The following TMEM176B variants were observed in gnomAD, a reference collection of about 807,000 sequenced individuals.
TMEM176B encodes LR8-like protein.
TMEM176B carries 28 observed loss-of-function variants against 30.3 expected under a neutral mutation model. The observed-to-expected ratio is 0.92, with a 90% confidence interval of 0.68 to 1.27. The LOEUF (loss-of-function observed/expected upper bound fraction) is 1.27. Ranked by LOEUF, TMEM176B falls within the 50% of genes most tolerant of loss-of-function variation. TMEM176B has a pLI of 0.00. For synonymous variants in TMEM176B, 123 were observed against 130.3 expected (o/e 0.94, Z 0.38); for missense variants, 349 against 327.4 (o/e 1.07, Z -0.51).
At position 150,791,553 on chromosome 7, in the gene TMEM176B, G is replaced by T. The variant is rs1188061106; in HGVS notation, c.791C>A (p.Thr264Asn). Residue 264 changes from threonine to asparagine, a missense_variant, in exon 7 of 7, where the codon ACC becomes AAC. Thr to Asn is a moderately conservative substitution (Grantham distance 65). Transcript: ENST00000326442. ...AGCTCACAGGACAATGGCAGTGGAG[G>T]TCTGCTCCCTAGAGGGCGAAGGGGG... ...SVPPSPSREQ[T>N]STAIVL 7 of 1,613,880 alleles carry T rather than the reference G, an allele frequency of 4.3e-6. No individual in the cohort carries two copies. Among genetic ancestry groups the T allele is most frequent in the Middle Eastern group, 1.7e-4 (1 of 5,958 alleles).
At chr7:150,794,947 A>ACACACC in intron 2 of TMEM176B, among the ~76,000 whole-genome samples, 1 of 131,886 alleles carries the variant, frequency 7.6e-6, no homozygotes, top group Non-Finnish European at 1.7e-5. Flanking sequence ...ACACACACAC[A>ACACACC]CCTCTCGAAT....
intron 2 of TMEM176B, 59 bp downstream of exon 2, chr7:150,796,307 T>G: frequency 1.3e-6 from 2 of 1,516,776 alleles, no homozygotes; most frequent in South Asian, 2.3e-5. Context: ...GCTCTATATT[T>G]TAATTGACCT....
chr7:150,796,335 GC>G (rs1411896412), intron 2 of TMEM176B, 30 bp downstream of exon 2: 6 of 1,595,374 alleles, frequency 3.8e-6, no homozygotes, highest in African/African-American at 1.3e-5. Context: ...TCGTTAACGT[GC>G]CCCCCAACCC....
At chr7:150,799,718 T>C (rs898729921) in intron 1 of TMEM176B, among the ~76,000 whole-genome samples, 2 of 152,160 alleles carry the variant, frequency 1.3e-5, no homozygotes, top group African/African-American at 4.8e-5. Context: ...AGACCTTCCC[T>C]TGACGGCCCA....
rs77093289 is a variant in TMEM176B, at chr7:150,799,446, C to T, written c.-6+852G>A. 4.2e-3 allele frequency among the ~76,000 whole-genome samples: 647 copies of T among 152,372 alleles called. 3 individuals are homozygous for T. Among genetic ancestry groups the T allele is most frequent in the African/African-American group, 0.015 (617 of 41,584 alleles). On this transcript the variant is annotated intron_variant, in intron 1 of 6. Transcript: ENST00000326442. ...TTGCTAGACTACTTCTTCACATGCA[C>T]TTTAGAATCAGCTTGCCTGGCTCTA...
chr7:150,796,398 C>A lies in TMEM176B; in HGVS notation c.172G>T (p.Ala58Ser). Reference sequence around the variant, plus strand: ...GCCAGCTGCTCATAACCAATCCTGGCTGTGGAAGGCACAGTGTCCCCAGGG... The same window carrying A: ...GCCAGCTGCTCATAACCAATCCTGGATGTGGAAGGCACAGTGTCCCCAGGG... ...FHPGDTVPSTARIGYEQLALG... is the reference protein window; with the variant it reads ...FHPGDTVPSTSRIGYEQLALG... The change falls in exon 2 of 7, where the codon GCC becomes TCC. Residue 58 changes from alanine to serine, a missense_variant. Coordinates refer to ENST00000326442, the MANE Select transcript of TMEM176B (RefSeq NM_001101312.2). 6.2e-7 allele frequency: 1 copy of A among 1,614,226 alleles called. No individual in the cohort carries two copies. The highest frequency in any genetic ancestry group is 1.1e-5 in the South Asian group (1 of 91,084).
Position 150,791,498 on chromosome 7 carries a change from G to T in TMEM176B, c.*33C>A, listed in dbSNP as rs951905683. On this transcript the variant is annotated 3_prime_UTR_variant, in exon 7 of 7. Transcript: ENST00000326442. ...GGGGCCCTGGGCTGCCCTAGACAGG[G>T]ACATGCGGGCACCCCGTGGGGTCTT... The T allele has an allele frequency of 6.3e-7, 1 of 1,592,450 alleles. No homozygotes were observed. The highest frequency in any genetic ancestry group is 8.6e-7 in the Non-Finnish European group (1 of 1,162,460).
chr7:150,799,705 G>A (rs1037233442), intron 1 of TMEM176B, among the ~76,000 whole-genome samples: 2 of 152,140 alleles, frequency 1.3e-5, no homozygotes, highest in Admixed American at 1.3e-4. Flanking sequence ...CCAGATTCCA[G>A]CCAGACCTTC....
At chr7:150,791,677 A>G (rs1798314476) in intron 6 of TMEM176B, 54 bp from the exon 7 acceptor site, 1 of 1,494,910 alleles carries the variant, frequency 6.7e-7, no homozygotes, top group Non-Finnish European at 9.2e-7. Context: ...AGGCAGAGTT[A>G]GTATCATAGA....
At chr7:150,793,415 A>C in intron 4 of TMEM176B, 100 bp from the exon 5 acceptor site, 2 of 1,508,606 alleles carry the variant, frequency 1.3e-6, no homozygotes, top group Non-Finnish European at 1.8e-6. Flanking sequence ...GCCCTTGTCC[A>C]GGAAACCCTC....
In TMEM176B at chr7:150,793,593, G is replaced by C; in HGVS notation, c.323C>G (p.Ala108Gly). ...ATGGACAATGGCCCCAGCTCCTGCT[G>C]CGATCACCTGAAAAGAGACACCAGA... Reference protein sequence around the residue: ...CAFWAGSVVIAAGAGAIVHEK... With the variant: ...CAFWAGSVVIGAGAGAIVHEK... Residue 108 changes from alanine (A) to glycine (G), a missense_variant, in exon 4 of 7, where the codon GCA becomes GGA. Transcript: ENST00000326442. The C allele has an allele frequency of 6.2e-7, 1 of 1,613,478 alleles. No individual in the cohort carries two copies.
upstream of TMEM176B, chr7:150,801,270 T>C (rs534938676): frequency 1.7e-5 from 6 of 346,542 alleles, no homozygotes; most frequent in South Asian, 4.4e-4. Context: ...GCCAGGGCCC[T>C]GGGAGGAGGA....
chr7:150,799,085 C>A (rs1463738749), intron 1 of TMEM176B, among the ~76,000 whole-genome samples: 2 of 152,182 alleles, frequency 1.3e-5, no homozygotes, highest in African/African-American at 4.8e-5. Flanking sequence ...CTTTTAAATG[C>A]CGACCATCTG....
chr7:150,793,668 C>G, intron 3 of TMEM176B, 68 bp from the exon 4 acceptor site: 6 of 1,520,646 alleles, frequency 3.9e-6, no homozygotes, highest in Non-Finnish European at 5.4e-6. Context: ...CACCCTCCCA[C>G]CAGCAGTTCC....
At position 150,792,093 on chromosome 7, in the gene TMEM176B, C is replaced by T; in HGVS notation, c.683G>A (p.Gly228Asp). Residue 228 changes from glycine to aspartate, a missense_variant, in exon 6 of 7, where the codon GGT becomes GAT. Physicochemically the swap from Gly to Asp is moderately conservative, Grantham distance 94. Transcript: ENST00000326442. ...VIVSLVSLGV[G>D]LRNLCGQSSQ... ...GCTCTGGCCACACAAGTTTCGAAGA[C>T]CTACTCCCAAGGAAACCAAGGACAC... is the stretch of plus-strand genomic sequence containing the variant. 6.2e-7 allele frequency: 1 copy of T among 1,613,998 alleles called. No individual in the cohort carries two copies. Among genetic ancestry groups the T allele is most frequent in the South Asian group, 1.1e-5 (1 of 91,074 alleles).
In TMEM176B at chr7:150,799,336, C is replaced by T. The variant is rs1032253601; in HGVS notation, c.-6+962G>A. Among the ~76,000 whole-genome samples the T allele has an allele frequency of 7.2e-5, 11 of 152,376 alleles. 1 individual carries two copies. In the Middle Eastern group the frequency reaches 0.01, roughly 141 times the overall value. On this transcript the variant is annotated intron_variant, in intron 1 of 6. Coordinates refer to ENST00000326442, the MANE Select transcript of TMEM176B (RefSeq NM_001101312.2). ...TCTCATGGGCTAGGCATCATTACCA[C>T]AATTTTAACATGGAGCTTAATGCTA...
In TMEM176B at chr7:150,793,328, G is replaced by C. The variant is rs761063622; in HGVS notation, c.373-13C>G. 3 of 1,611,750 alleles carry C rather than the reference G, an allele frequency of 1.9e-6. No individual in the cohort carries two copies. The South Asian group carries it at 3.3e-5, about 18-fold the overall frequency. ...TGGATATATAGCCCTGGAAGAGAAA[G>C]AGGGTCATGACACACGCTCCTTCAA... On this transcript the variant is annotated splice_polypyrimidine_tract_variant and intron_variant, in intron 4 of 6. Transcript: ENST00000326442.
At chr7:150,794,467 G>A (rs1326652672) in intron 2 of TMEM176B, among the ~76,000 whole-genome samples, 1 of 151,756 alleles carries the variant, frequency 6.6e-6, no homozygotes, top group Non-Finnish European at 1.5e-5. Flanking sequence ...AGGGCTCTGT[G>A]GCAGACACAA....
intron 2 of TMEM176B, 114 bp from the exon 3 acceptor site, chr7:150,794,185 C>T (rs954294538): frequency 2.9e-6 from 2 of 682,198 alleles, no homozygotes; most frequent in South Asian, 1.9e-5. Flanking sequence ...TTTCCTCTGC[C>T]TTGACCTCTC....
Sources: allele counts gnomAD v4.1 joint callset (sites outside exome capture counted in the v4.1 genomes callset), GRCh38; gene constraint gnomAD v4.1.1; transcripts MANE v1.5; gene names NCBI Gene and HGNC (gene_info 2026-07-23, HGNC 2026-07-21).